NCAM1: variants seen among roughly 807,000 people sequenced by gnomAD.
NCAM1 encodes the protein antigen recognized by monoclonal antibody 5.1H11.
Under a neutral mutation model 109.8 loss-of-function variants are expected in NCAM1, and 14 were observed. The observed-to-expected ratio is 0.13, with a 90% CI of 0.08 to 0.20. The LOEUF is 0.20. NCAM1 is among the 10% of genes least tolerant of loss of function. The pLI, the probability that NCAM1 is intolerant of heterozygous loss-of-function variation, is 1.00. For synonymous variants in NCAM1, 418 were observed against 442.9 expected (o/e 0.94, Z 0.70); for missense variants, 774 against 1,109.9 (o/e 0.70, Z 4.30).
chr11:112,989,180 C>T (rs1244488731), intron 1 of NCAM1, among the ~76,000 whole-genome samples: 4 of 152,146 alleles, frequency 2.6e-5, no homozygotes, highest in African/African-American at 9.7e-5. Context: ...GAGATGATTT[C>T]TTTAAGTGAG....
At chr11:113,109,669 T>G (rs1391142845) in intron 1 of NCAM1, among the ~76,000 whole-genome samples, 1 of 152,200 alleles carries the variant, frequency 6.6e-6, no homozygotes, top group Non-Finnish European at 1.5e-5. Flanking sequence ...ATATAAATAA[T>G]GAATCCAAGG....
chr11:113,173,861 T>C (rs1043759348), intron 1 of NCAM1, among the ~76,000 whole-genome samples: 33 of 152,122 alleles, frequency 2.2e-4, no homozygotes, highest in Non-Finnish European at 4.4e-5. Flanking sequence ...AGCAGGTTAC[T>C]GTGCTTTATG....
chr11:113,117,410 G>T (rs1413837736), intron 1 of NCAM1, among the ~76,000 whole-genome samples: 1 of 151,918 alleles, frequency 6.6e-6, no homozygotes, highest in Non-Finnish European at 1.5e-5. Context: ...TCAGCATTCA[G>T]CCTGGGGTAC....
rs1166009829 is a variant in NCAM1 at position 113,277,931 on chromosome 11, C to T, written c.*2544C>T. On this transcript the variant is annotated 3_prime_UTR_variant, in exon 20 of 20. Transcript: ENST00000316851. ...GTCATTTTATTCCAAGATGTTTTAT[C>T]TTTTATGTTAAGAGATCAAAGCTTA... 1.7e-5 allele frequency: 2 copies of T among 121,052 alleles called. No individual in the cohort carries two copies. Among genetic ancestry groups the T allele is most frequent in the Non-Finnish European group, 3.4e-5 (2 of 59,644 alleles). 7.5% of individuals were successfully genotyped at this position (121,052 alleles called of 1,614,324 possible). A position where few individuals can be genotyped will look rare whatever the true frequency, so the allele number is the denominator to read the frequency against.
In NCAM1 at chr11:113,274,463, C is replaced by G. The variant is rs558070862; in HGVS notation, c.2457-804C>G. On this transcript the variant is annotated intron_variant, in intron 19 of 19. Transcript: ENST00000316851. The surrounding 1 kb of genome is among the most constrained non-coding windows in gnomAD (Gnocchi z 4.1). ...TGCATCCTCAGACCCGACTCCCTTT[C>G]CTGGAACTGATGGAGGCAGAGTCAG... is the stretch of plus-strand genomic sequence containing the variant. Among the ~76,000 whole-genome samples, 1 of 152,322 alleles carries G rather than the reference C, an allele frequency of 6.6e-6. No homozygotes were observed. Among genetic ancestry groups the G allele is most frequent in the Admixed American group, 6.5e-5 (1 of 15,312 alleles).
At chr11:113,248,532 G>A (rs1460365714) in intron 15 of NCAM1, among the ~76,000 whole-genome samples, 3 of 152,116 alleles carry the variant, frequency 2.0e-5, no homozygotes, top group African/African-American at 7.2e-5. Flanking sequence ...GGGCCTCAAT[G>A]AGAAAAGTGA....
At chr11:113,113,087 G>A (rs10891508) in intron 1 of NCAM1, among the ~76,000 whole-genome samples, 18,525 of 152,042 alleles carry the variant, frequency 0.12, 1,354 homozygotes, top group East Asian at 0.36. Context: ...AGCCGATATC[G>A]CACCACACTG....
chr11:113,236,200 C>A (rs1945162204), intron 14 of NCAM1: 6 of 1,224,104 alleles, frequency 4.9e-6, no homozygotes, highest in Non-Finnish European at 5.9e-6. Context: ...GCTCCATGTG[C>A]TCTGCGGATT....
In NCAM1 at chr11:113,190,824, C is replaced by T. The variant is rs117697657; in HGVS notation, c.53-11555C>T. On this transcript the variant is annotated intron_variant, in intron 1 of 19. Coordinates refer to ENST00000316851, the MANE Select transcript of NCAM1 (RefSeq NM_181351.5). ...TGGTTGTGGGGGTGGGGAATGGACT[C>T]TCCATCCAGTAGAAGAGTGTGACCT... 1.9e-3 allele frequency among the ~76,000 whole-genome samples: 292 copies of T among 152,246 alleles called. 9 individuals carry two copies. In the East Asian group the frequency reaches 0.04, roughly 21 times the overall value.
chr11:113,236,215 T>C (rs1945162603), intron 14 of NCAM1: 1 of 1,397,522 alleles, frequency 7.2e-7, no homozygotes, highest in African/African-American at 1.4e-5. Flanking sequence ...CGGATTCTAT[T>C]CATTTCTTTT....
intron 1 of NCAM1, among the ~76,000 whole-genome samples, chr11:113,115,677 A>G (rs1940666576): frequency 6.6e-6 from 1 of 152,232 alleles, no homozygotes; most frequent in Non-Finnish European, 1.5e-5. Context: ...TACCTGTTAC[A>G]CATGTATTCT....
In NCAM1 at chr11:112,962,649, C is replaced by T. The variant is rs1262818204; in HGVS notation, c.52+985C>T. Among the ~76,000 whole-genome samples, 3 of 151,528 alleles carry T rather than the reference C, an allele frequency of 2.0e-5. No individual in the cohort carries two copies. The highest frequency in any genetic ancestry group is 4.9e-5 in the African/African-American group (2 of 41,218). On this transcript the variant is annotated intron_variant, in intron 1 of 19. Coordinates refer to ENST00000316851, the MANE Select transcript of NCAM1 (RefSeq NM_181351.5). The surrounding 1 kb of genome is among the most constrained non-coding windows in gnomAD (Gnocchi z 5.6). ...CCGCGGGTGGCGGGGGTTGCGCCGCCGCCCAGAGAACCTCGGCAGTGTGCA... is the reference window on the plus strand; with the variant it reads ...CCGCGGGTGGCGGGGGTTGCGCCGCTGCCCAGAGAACCTCGGCAGTGTGCA...
chr11:113,098,202 A>C (rs1378293235), intron 1 of NCAM1, among the ~76,000 whole-genome samples: 2 of 152,174 alleles, frequency 1.3e-5, no homozygotes, highest in Non-Finnish European at 2.9e-5. Context: ...TAACAGGAGG[A>C]GCATGGAATC....
intron 1 of NCAM1, among the ~76,000 whole-genome samples, chr11:113,101,433 C>A (rs1040283783): frequency 6.6e-6 from 1 of 152,160 alleles, no homozygotes; most frequent in Admixed American, 6.5e-5. Flanking sequence ...TACTCTATTT[C>A]TTTCCATATT....
Position 113,138,020 on chromosome 11 carries a change from G to GA in NCAM1, c.53-64359_53-64358insA, listed in dbSNP as rs577198043. On this transcript the variant is annotated intron_variant, in intron 1 of 19. Transcript: ENST00000316851. The stretch of plus-strand genomic sequence containing the variant: ...GTTTCCAAAGCCAGCTTTACCCTAG[G>GA]GAAAAAAAAAAATTCTCATCTAAGA... Among the ~76,000 whole-genome samples the GA allele has an allele frequency of 1.2e-4, 18 of 146,456 alleles. 1 individual carries two copies. Among genetic ancestry groups the GA allele is most frequent in the South Asian group, 2.2e-4 (1 of 4,616 alleles).
At chr11:113,214,619 C>A in intron 8 of NCAM1, 108 bp downstream of exon 8, 1 of 1,280,348 alleles carries the variant, frequency 7.8e-7, no homozygotes, top group Middle Eastern at 2.1e-4. Flanking sequence ...GTTATGGTCA[C>A]CAGAGGCCAC....
rs553736367 is a variant in NCAM1 at position 113,254,748 on chromosome 11, G to A, written c.1829-1129G>A. Among the ~76,000 whole-genome samples, 27 of 152,278 alleles carry A rather than the reference G, an allele frequency of 1.8e-4. 1 individual carries two copies. The South Asian group carries it at 5.6e-3, about 32-fold the overall frequency. ...ATTCTGTTTTCCAGAGAGCAAGCCA[G>A]AGTGACCCACCCAGAAGGTAACTGT... On this transcript the variant is annotated intron_variant, in intron 15 of 19. Coordinates refer to ENST00000316851, the MANE Select transcript of NCAM1 (RefSeq NM_181351.5).
chr11:113,038,274 C>T (rs1199506371), intron 1 of NCAM1, among the ~76,000 whole-genome samples: 1 of 152,220 alleles, frequency 6.6e-6, no homozygotes, highest in Non-Finnish European at 1.5e-5. Context: ...AAGCCCACTG[C>T]TCTCTGGCCT....
At chr11:113,143,260 T>A (rs923090276) in intron 1 of NCAM1, among the ~76,000 whole-genome samples, 3 of 152,214 alleles carry the variant, frequency 2.0e-5, no homozygotes, top group Admixed American at 1.3e-4. Context: ...GTTTTAGAAT[T>A]TAGGCTTTTG....
Sources: gnomAD v4.1 joint callset for allele counts (sites outside exome capture counted in the v4.1 genomes callset) on GRCh38, gnomAD v4.1.1 for gene constraint, Gnocchi (gnomAD v3.1) non-coding constraint, MANE v1.5 for transcripts, NCBI Gene and HGNC (gene_info 2026-07-23, HGNC 2026-07-21) for gene names.